The following UNK variants were observed in gnomAD, a reference collection of about 807,000 sequenced individuals.
UNK encodes the protein unk zinc finger, also known as RING finger protein unkempt homolog.
UNK carries 32 observed loss-of-function variants against 97.6 expected under a neutral mutation model. The ratio of observed to expected loss-of-function variants is 0.33; its 90% CI spans 0.25 to 0.44. UNK has a LOEUF of 0.44. UNK is among the 20% of genes least tolerant of loss of function. The probability of loss-of-function intolerance (pLI) is 1.00; values close to 1 mark genes in which losing one functional copy is unlikely to be tolerated. For synonymous variants in UNK, 441 were observed against 461.2 expected, an observed-to-expected ratio of 0.96 and a Z score of 0.56; for missense variants, 771 against 1,098.4, an observed-to-expected ratio of 0.70 and a Z score of 4.21.
At chr17:75,810,020 A>C in intron 2 of UNK, 51 bp downstream of exon 2, 1 of 1,602,242 alleles carries the variant, frequency 6.2e-7, no homozygotes, top group Non-Finnish European at 8.5e-7. Flanking sequence ...CTTCTGGGTC[A>C]GATGCCCTCA....
chr17:75,798,432 TGACCTCAG>T (rs796479208), intron 1 of UNK, among the ~76,000 whole-genome samples: 8 of 152,266 alleles, frequency 5.3e-5, no homozygotes, highest in African/African-American at 1.9e-4. Context: ...CTTGAACTCC[TGACCTCAG>T]GTGATCTACC....
chr17:75,794,019 T>G (rs968957057), intron 1 of UNK: 19 of 985,216 alleles, frequency 1.9e-5, no homozygotes, highest in Non-Finnish European at 2.3e-5. Flanking sequence ...AGGCATCTGG[T>G]GACCTGTCAC....
chr17:75,818,930 G>A lies in UNK; in HGVS notation c.1546+114G>A, dbSNP rs1019020532. 4.1e-5 allele frequency: 51 copies of A among 1,244,866 alleles called. No individual in the cohort carries two copies. In the East Asian group the frequency reaches 1.1e-3, roughly 27 times the overall value. The allele number at this position is 1,244,866 out of a possible 1,614,324, so 77.1% of individuals were successfully genotyped here. A position where few individuals can be genotyped will look rare whatever the true frequency, so the allele number is the denominator to read the frequency against. On this transcript the variant is annotated intron_variant, in intron 11 of 15. Coordinates refer to ENST00000589666, the MANE Select transcript of UNK (RefSeq NM_001080419.3). This position sits in a 1 kb window ranked among gnomAD's most constrained non-coding sequence, Gnocchi z 5.1. ...CCAGACCCCTTAGACATCTGTCTTC[G>A]GAAAATCAGGGGATGGGCACTCTGA...
intron 1 of UNK, among the ~76,000 whole-genome samples, chr17:75,807,128 A>G (rs916726976): frequency 6.6e-6 from 1 of 152,198 alleles, no homozygotes; most frequent in Non-Finnish European, 1.5e-5. Context: ...CAGGCTGAAC[A>G]TATCCTAGGT....
In UNK at chr17:75,813,178, G is replaced by A. The variant is rs771084965; in HGVS notation, c.723G>A (p.Lys241=). 7 of 1,592,006 alleles carry A rather than the reference G, an allele frequency of 4.4e-6. No homozygotes were observed. In the Admixed American group the frequency reaches 1.2e-4, roughly 28 times the overall value. The change falls in exon 5 of 16, where the codon AAG becomes AAA. Residue 241 remains lysine (K), a synonymous_variant. Coordinates refer to ENST00000589666, the MANE Select transcript of UNK (RefSeq NM_001080419.3). ...CCTGTCCCTACTACCACAACAGCAAGGACCGGCGGCGGAGCCCCCGGAAGC... is the reference window on the plus strand; with the variant it reads ...CCTGTCCCTACTACCACAACAGCAAAGACCGGCGGCGGAGCCCCCGGAAGC... ...GYACPYYHNS[K]DRRRSPRKHK...
chr17:75,808,516 C>T (rs983358212), intron 1 of UNK, among the ~76,000 whole-genome samples: 1 of 152,174 alleles, frequency 6.6e-6, no homozygotes, highest in African/African-American at 2.4e-5. Flanking sequence ...TGTTTCTAAG[C>T]TCATACTGTT....
chr17:75,795,832 G>A (rs1358569565), intron 1 of UNK, among the ~76,000 whole-genome samples: 1 of 152,190 alleles, frequency 6.6e-6, no homozygotes, highest in African/African-American at 2.4e-5. Context: ...GGACACACAG[G>A]ACTAATTGCA....
intron 2 of UNK, among the ~76,000 whole-genome samples, chr17:75,811,414 T>C (rs757348469): frequency 2.2e-4 from 33 of 152,202 alleles, no homozygotes; most frequent in Non-Finnish European, 4.6e-4. Context: ...AGCACCTCTT[T>C]CTCACGGAGG....
intron 1 of UNK, chr17:75,791,973 C>T (rs927817075): frequency 4.1e-6 from 4 of 985,282 alleles, no homozygotes; most frequent in Admixed American, 1.2e-4. Context: ...AAGATACCCT[C>T]GTGGACCTAC....
At chr17:75,822,693 G>A (rs2062080093) in intron 14 of UNK, 35 bp downstream of exon 14, 1 of 1,557,386 alleles carries the variant, frequency 6.4e-7, no homozygotes, top group Non-Finnish European at 8.7e-7. Context: ...CTTCCCCAGT[G>A]CCAGGTGGCA....
intron 1 of UNK, among the ~76,000 whole-genome samples, chr17:75,799,992 T>G (rs2061840964): frequency 6.6e-6 from 1 of 152,154 alleles, no homozygotes; most frequent in African/African-American, 2.4e-5. Context: ...AACCCAAGTG[T>G]AGAGCAGAGG....
chr17:75,813,428 G>A (rs1320825987), intron 5 of UNK, among the ~76,000 whole-genome samples: 1 of 152,148 alleles, frequency 6.6e-6, no homozygotes, highest in Non-Finnish European at 1.5e-5. Context: ...TGGTCAGACC[G>A]TCTCTGAGGC....
At chr17:75,809,699 T>C in intron 1 of UNK, 61 bp from the exon 2 acceptor site, 1 of 1,538,146 alleles carries the variant, frequency 6.5e-7, no homozygotes, top group Non-Finnish European at 8.8e-7. Flanking sequence ...AACTTCTTGC[T>C]GGGAAGCAAG....
intron 1 of UNK, among the ~76,000 whole-genome samples, chr17:75,795,160 C>T (rs2061794800): frequency 6.6e-6 from 1 of 152,074 alleles, no homozygotes; most frequent in African/African-American, 2.4e-5. Context: ...GATGTGTGTT[C>T]TAAACTGACC....
At position 75,818,670 on chromosome 17, in the gene UNK, GC is replaced by G; in HGVS notation, c.1405del (p.Leu469Ter). The G allele has an allele frequency of 1.3e-6, 2 of 1,599,942 alleles. No individual in the cohort carries two copies. Among genetic ancestry groups the G allele is most frequent in the Non-Finnish European group, 8.5e-7 (1 of 1,172,452 alleles). ...QDMLGILPAG[S>X]PLTSSISSSI... ...ATGCTGGGCATCCTCCCCGCAGGCA[GC>G]CCCCTGACCTCAAGCATCTCTTCTA... On this transcript the variant is annotated frameshift_variant, in exon 11 of 16. Transcript: ENST00000589666. LOFTEE classifies it high-confidence loss of function. The surrounding 1 kb of genome is among the most constrained non-coding windows in gnomAD (Gnocchi z 5.1).
At position 75,818,771 on chromosome 17, in the gene UNK, G is replaced by T. The variant is rs373411446; in HGVS notation, c.1501G>T (p.Ala501Ser). The T allele has an allele frequency of 6.2e-7, 1 of 1,612,224 alleles. No homozygotes were observed. Among genetic ancestry groups the T allele is most frequent in the Non-Finnish European group, 8.5e-7 (1 of 1,179,154 alleles). ...CAGCGTCCCCGGCATGAATGCAAAC[G>T]CTCTGCCCTTCTACCCCACCAGCGA... The part of the protein sequence containing the change: ...TSSVPGMNAN[A>S]LPFYPTSDTV... The change falls in exon 11 of 16, where the codon GCT becomes TCT. Residue 501 changes from alanine to serine, a missense_variant. Transcript: ENST00000589666. The surrounding 1 kb of genome is among the most constrained non-coding windows in gnomAD (Gnocchi z 5.1).
chr17:75,819,847 C>T lies in UNK; in HGVS notation c.1648+62C>T. 1 of 1,608,222 alleles carries T rather than the reference C, an allele frequency of 6.2e-7. No individual in the cohort carries two copies. The highest frequency in any genetic ancestry group is 8.5e-7 in the Non-Finnish European group (1 of 1,176,886). ...TCCTCGGGTTCCTGCCTGGCTCAGG[C>T]CCCTTGCTCTGTGTGGCCCGCCTGG... On this transcript the variant is annotated intron_variant, in intron 12 of 15. Transcript: ENST00000589666. The surrounding 1 kb of genome is among the most constrained non-coding windows in gnomAD (Gnocchi z 5.4).
At chr17:75,823,640 C>T in intron 15 of UNK, 118 bp downstream of exon 15, 3 of 1,359,902 alleles carry the variant, frequency 2.2e-6, no homozygotes, top group African/African-American at 1.5e-5. Flanking sequence ...CTCTGCCCAG[C>T]ACTGGGCCAG....
chr17:75,802,056 C>T (rs2061864765), intron 1 of UNK, among the ~76,000 whole-genome samples: 1 of 151,760 alleles, frequency 6.6e-6, no homozygotes, highest in African/African-American at 2.4e-5. Context: ...CCATGTTGGC[C>T]AGGCTGGCGT....
Sources: allele counts gnomAD v4.1 joint callset (sites outside exome capture counted in the v4.1 genomes callset), GRCh38; gene constraint gnomAD v4.1.1; non-coding constraint Gnocchi (gnomAD v3.1); transcripts MANE v1.5; gene names NCBI Gene and HGNC (gene_info 2026-07-23, HGNC 2026-07-21).